The following CYP20A1 variants were observed in gnomAD, a reference collection of about 807,000 sequenced individuals.
CYP20A1 encodes cytochrome P450 family 20 subfamily A member 1.
A neutral mutation model predicts 61.4 loss-of-function variants in CYP20A1; 61 were observed. The observed-to-expected ratio is 0.99, with a 90% CI of 0.81 to 1.23. The LOEUF (loss-of-function observed/expected upper bound fraction) is 1.23. CYP20A1 is among the 50% of genes most tolerant of loss of function. The pLI, the probability that CYP20A1 is intolerant of heterozygous loss-of-function variation, is 0.00. For missense variants in CYP20A1, 530 were observed against 542.4 expected, an observed-to-expected ratio of 0.98 and a Z score of 0.23; for synonymous variants, 193 against 188.2, an observed-to-expected ratio of 1.03 and a Z score of -0.21.
At chr2:203,240,774 A>G (rs1329984470) in intron 1 of CYP20A1, among the ~76,000 whole-genome samples, 1 of 152,218 alleles carries the variant, frequency 6.6e-6, no homozygotes, top group East Asian at 1.9e-4. Context: ...AGAGAAAGTC[A>G]GAAAGATGGG....
chr2:203,292,246 T>C lies in CYP20A1; in HGVS notation c.1084-16T>C. The C allele has an allele frequency of 9.3e-7, 1 of 1,078,810 alleles. No individual in the cohort carries two copies. Among genetic ancestry groups the C allele is most frequent in the Non-Finnish European group, 1.3e-6 (1 of 784,084 alleles). 66.8% of individuals were successfully genotyped at this position (1,078,810 alleles called of 1,614,324 possible). A position where few individuals can be genotyped will look rare whatever the true frequency, so the allele number is the denominator to read the frequency against. ...CTCTGTTAGTCCTTGACTAATTGGA[T>C]TTTTTTTTTTCACAGACCCTCGTCC... On this transcript the variant is annotated splice_polypyrimidine_tract_variant and intron_variant, in intron 10 of 12. Transcript: ENST00000356079.
intron 8 of CYP20A1, 25 bp from the exon 9 acceptor site, chr2:203,285,587 G>A (rs772807463): frequency 6.6e-7 from 1 of 1,520,156 alleles, no homozygotes; most frequent in Non-Finnish European, 8.8e-7. Flanking sequence ...TATTTTCATT[G>A]TTATTCATAT....
chr2:203,291,160 T>A (rs1044026930), intron 10 of CYP20A1, among the ~76,000 whole-genome samples: 1 of 152,046 alleles, frequency 6.6e-6, no homozygotes, highest in Non-Finnish European at 1.5e-5. Flanking sequence ...CCTCCCAGGC[T>A]TAAGTGATCC....
Position 203,289,871 on chromosome 2 carries a change from A to G in CYP20A1, c.1078A>G (p.Arg360Gly). Residue 360 changes from arginine to glycine, a missense_variant, in exon 10 of 13, where the codon AGA becomes GGA. Arg to Gly is a moderately radical substitution (Grantham distance 125). Coordinates refer to ENST00000356079, the MANE Select transcript of CYP20A1 (RefSeq NM_177538.3). ...AAAAATTGACCGATTTATTATTCCT[A>G]GAGAGGTAGAAAACCTTTAATATGT... ...EGKIDRFIIP[R>G]ETLVLYALGV... 6.6e-7 allele frequency: 1 copy of G among 1,521,220 alleles called. No individual in the cohort carries two copies. Among genetic ancestry groups the G allele is most frequent in the Non-Finnish European group, 9.0e-7 (1 of 1,105,600 alleles). The allele number at this position is 1,521,220 out of a possible 1,614,324, so 94.2% of individuals were successfully genotyped here.
intron 4 of CYP20A1, among the ~76,000 whole-genome samples, chr2:203,257,986 C>T (rs956582110): frequency 3.3e-5 from 5 of 152,174 alleles, no homozygotes; most frequent in African/African-American, 7.2e-5. Flanking sequence ...ACTGGAGCAT[C>T]GAATTCCTGG....
chr2:203,292,221 C>T (rs2068566913), intron 10 of CYP20A1, 41 bp from the exon 11 acceptor site: 1 of 1,368,060 alleles, frequency 7.3e-7, no homozygotes, highest in Non-Finnish European at 1.0e-6. Flanking sequence ...GTCATTTTAT[C>T]TCTGTTAGTC....
intron 4 of CYP20A1, among the ~76,000 whole-genome samples, chr2:203,263,540 G>A (rs1186738638): frequency 3.9e-5 from 6 of 152,022 alleles, no homozygotes; most frequent in African/African-American, 4.8e-5. Context: ...TGCCCGCCTC[G>A]GCCCCCCAAA....
At chr2:203,268,654 C>G (rs12693983) in intron 5 of CYP20A1, among the ~76,000 whole-genome samples, 135,929 of 151,866 alleles carry the variant, frequency 0.9, 61,649 homozygotes, top group Non-Finnish European at 0.96. Flanking sequence ...ACCAGAGTGG[C>G]CTTTCAAAGA....
intron 1 of CYP20A1, 38 bp downstream of exon 1, chr2:203,239,172 G>T (rs200564365): frequency 6.4e-7 from 1 of 1,560,668 alleles, no homozygotes. Flanking sequence ...CCCGGGCGCC[G>T]CCCCAGTCTC....
intron 6 of CYP20A1, among the ~76,000 whole-genome samples, chr2:203,277,304 C>T (rs542365885): frequency 2.0e-5 from 3 of 150,808 alleles, no homozygotes; most frequent in Non-Finnish European, 3.0e-5. Flanking sequence ...GCTGAGATTG[C>T]GCCACTGCAC....
Position 203,298,770 on chromosome 2 carries a change from CATGCCTGTT to C in CYP20A1, c.*1865_*1873del, listed in dbSNP as rs2068910625. On this transcript the variant is annotated 3_prime_UTR_variant, in exon 13 of 13. Transcript: ENST00000356079. Reference sequence around the variant, plus strand: ...TTTAAGTAGGCTGGGCACGGTAGCTCATGCCTGTTATCCTAACACTTTGGGAAGCCGACA... The same window carrying C: ...TTTAAGTAGGCTGGGCACGGTAGCTCATCCTAACACTTTGGGAAGCCGACA... Among the ~76,000 whole-genome samples the C allele has an allele frequency of 6.6e-6, 1 of 151,396 alleles. No homozygotes were observed. Among genetic ancestry groups the C allele is most frequent in the African/African-American group, 2.4e-5 (1 of 41,152 alleles).
At chr2:203,272,969 C>A (rs555063474) in intron 6 of CYP20A1, among the ~76,000 whole-genome samples, 40 of 151,930 alleles carry the variant, frequency 2.6e-4, no homozygotes, top group Admixed American at 6.6e-4. Context: ...GCCTCAGCCT[C>A]CCGAGTAGCT....
intron 1 of CYP20A1, 56 bp from the exon 2 acceptor site, chr2:203,245,790 A>G: frequency 9.8e-7 from 1 of 1,021,562 alleles, no homozygotes; most frequent in South Asian, 1.5e-5. Flanking sequence ...TTGGTGAAAC[A>G]CATCTGACTT....
At chr2:203,268,330 G>T (rs1031747904) in intron 5 of CYP20A1, among the ~76,000 whole-genome samples, 2 of 152,130 alleles carry the variant, frequency 1.3e-5, no homozygotes, top group African/African-American at 4.8e-5. Flanking sequence ...CCCAATTCAT[G>T]ATCACTCAGT....
chr2:203,242,811 T>C (rs1440546353), intron 1 of CYP20A1, among the ~76,000 whole-genome samples: 1 of 150,776 alleles, frequency 6.6e-6, no homozygotes, highest in Non-Finnish European at 1.5e-5. Flanking sequence ...AAAGCTTAGG[T>C]TGCATGGTCT....
intron 4 of CYP20A1, among the ~76,000 whole-genome samples, chr2:203,255,206 C>A (rs2066851021): frequency 6.6e-6 from 1 of 152,060 alleles, no homozygotes; most frequent in Non-Finnish European, 1.5e-5. Flanking sequence ...TTGACAGATA[C>A]CTCTTGGCAG....
At chr2:203,242,405 A>G (rs2066284782) in intron 1 of CYP20A1, among the ~76,000 whole-genome samples, 1 of 152,148 alleles carries the variant, frequency 6.6e-6, no homozygotes, top group Admixed American at 6.6e-5. Flanking sequence ...TGATAACTAG[A>G]GAAGGAAGTG....
At chr2:203,283,444 C>G (rs1004353498) in intron 8 of CYP20A1, among the ~76,000 whole-genome samples, 2 of 151,444 alleles carry the variant, frequency 1.3e-5, no homozygotes, top group African/African-American at 4.9e-5. Flanking sequence ...TCTCGAACTC[C>G]TGACCTCGTG....
At position 203,266,716 on chromosome 2, in the gene CYP20A1, A is replaced by T. The variant is rs546996232; in HGVS notation, c.600+35A>T. ...GGGCTAAATTTAAAATTACTCTTTC[A>T]GGCTGGGCACGGCAGCTCACACCTG... On this transcript the variant is annotated intron_variant, in intron 5 of 12. Transcript: ENST00000356079. The T allele has an allele frequency of 1.8e-5, 28 of 1,595,202 alleles. No homozygotes were observed. In the African/African-American group the frequency reaches 3.5e-4, roughly 20 times the overall value.
Sources: gnomAD v4.1 joint callset for allele counts (sites outside exome capture counted in the v4.1 genomes callset) on GRCh38, gnomAD v4.1.1 for gene constraint, MANE v1.5 for transcripts, NCBI Gene and HGNC (gene_info 2026-07-23, HGNC 2026-07-21) for gene names.